ELL2: variants seen among roughly 807,000 people sequenced by gnomAD.
The protein encoded by ELL2 is RNA polymerase II elongation factor ELL2.
Under a neutral mutation model 72.8 loss-of-function variants are expected in ELL2, and 21 were observed. The observed-to-expected ratio is 0.29, with a 90% CI of 0.20 to 0.42. The LOEUF is 0.42. Ranked by LOEUF, ELL2 falls within the 10% of genes least tolerant of loss-of-function variation. The pLI is 1.00. For synonymous variants in ELL2, 266 were observed against 283.2 expected (o/e 0.94, Z 0.61); for missense variants, 568 against 772.8 (o/e 0.73, Z 3.14).
rs759845019 is a variant in ELL2, at chr5:95,950,416, T to A, written c.148-7367A>T. 1.6e-4 allele frequency among the ~76,000 whole-genome samples: 25 copies of A among 151,942 alleles called. 1 individual carries two copies. Among genetic ancestry groups the A allele is most frequent in the South Asian group, 4.1e-4 (2 of 4,822 alleles). On this transcript the variant is annotated intron_variant, in intron 1 of 11. Coordinates refer to ENST00000237853, the MANE Select transcript of ELL2 (RefSeq NM_012081.6). ...AAGGAGAGAGGAGGAAGAAAGAAAA[T>A]TGGAGTTAAAAGCAGAAAATAGCAC...
intron 4 of ELL2, among the ~76,000 whole-genome samples, chr5:95,907,395 C>T (rs983557150): frequency 2.0e-5 from 3 of 150,074 alleles, no homozygotes; most frequent in South Asian, 4.3e-4. Context: ...ACAAATCTGT[C>T]CTCTGCAGTG....
At position 95,913,938 on chromosome 5, in the gene ELL2, T is replaced by C. The variant is rs1561497708; in HGVS notation, c.318-4A>G. On this transcript the variant is annotated splice_region_variant and splice_polypyrimidine_tract_variant and intron_variant, in intron 3 of 11. Coordinates refer to ENST00000237853, the MANE Select transcript of ELL2 (RefSeq NM_012081.6). ...ATTGAGCTGGGAGGCTCCAGAGCTG[T>C]CAAGTAAGTCAGTGGCTTTGTTAGA... The C allele has an allele frequency of 1.3e-6, 2 of 1,581,366 alleles. No individual in the cohort carries two copies. The highest frequency in any genetic ancestry group is 1.2e-5 in the South Asian group (1 of 86,268).
At chr5:95,889,164 C>A (rs1184792077) in intron 10 of ELL2, 34 bp from the exon 11 acceptor site, 2 of 1,525,368 alleles carry the variant, frequency 1.3e-6, no homozygotes, top group Non-Finnish European at 1.8e-6. Flanking sequence ...CAGAAGAGAA[C>A]AACTTCTTTT....
intron 9 of ELL2, among the ~76,000 whole-genome samples, chr5:95,894,379 A>C (rs1367401336): frequency 6.6e-6 from 1 of 152,238 alleles, no homozygotes; most frequent in Non-Finnish European, 1.5e-5. Context: ...CACTATTATA[A>C]AAAAGAATTC....
rs139624660 is a variant in ELL2 at position 95,925,336 on chromosome 5, G to A, written c.196-5791C>T. On this transcript the variant is annotated intron_variant, in intron 2 of 11. Transcript: ENST00000237853. ...TTCTTTTTTATAGATTAGGGACAAT[G>A]AGGCTTAGTGATTTGTTCAAGTTAG... Among the ~76,000 whole-genome samples the A allele has an allele frequency of 1.7e-3, 262 of 152,288 alleles. 1 individual carries two copies. The highest frequency in any genetic ancestry group is 6.1e-3 in the African/African-American group (252 of 41,558).
intron 10 of ELL2, among the ~76,000 whole-genome samples, chr5:95,890,321 C>T (rs185135430): frequency 5.9e-5 from 9 of 152,290 alleles, no homozygotes; most frequent in Admixed American, 5.9e-4. Context: ...AGGCTGTTTA[C>T]TGTTGTGGGA....
intron 8 of ELL2, among the ~76,000 whole-genome samples, chr5:95,895,969 A>G (rs1748860212): frequency 6.6e-6 from 1 of 152,224 alleles, no homozygotes; most frequent in African/African-American, 2.4e-5. Context: ...TCAGTCTTCT[A>G]TTCTTTCAAC....
At chr5:95,952,059 C>T (rs1053348248) in intron 1 of ELL2, among the ~76,000 whole-genome samples, 5 of 152,014 alleles carry the variant, frequency 3.3e-5, no homozygotes, top group East Asian at 1.9e-4. Flanking sequence ...AACCTAAATG[C>T]CCATCAAAGG....
intron 1 of ELL2, among the ~76,000 whole-genome samples, chr5:95,959,603 G>C (rs910237496): frequency 1.3e-5 from 2 of 152,098 alleles, no homozygotes; most frequent in African/African-American, 2.4e-5. Flanking sequence ...TTCACTGCAG[G>C]TGCACCTATC....
chr5:95,938,091 C>T (rs1750843212), intron 2 of ELL2, among the ~76,000 whole-genome samples: 1 of 152,048 alleles, frequency 6.6e-6, no homozygotes, highest in Non-Finnish European at 1.5e-5. Flanking sequence ...ACACCCCCCA[C>T]AAAGTAAAAT....
intron 1 of ELL2, among the ~76,000 whole-genome samples, chr5:95,945,690 GA>G (rs1751130511): frequency 2.0e-5 from 3 of 152,148 alleles, no homozygotes; most frequent in African/African-American, 7.2e-5. Flanking sequence ...GGTGGCTCTT[GA>G]ATAGCAGTTT....
chr5:95,961,424 A>ACCCTGCCCGG (rs1751847186), intron 1 of ELL2, 151 bp downstream of exon 1: 2 of 982,588 alleles, frequency 2.0e-6, no homozygotes, highest in Non-Finnish European at 2.6e-6. Context: ...GGCGTCAGCC[A>ACCCTGCCCGG]CCCTGCCCGG....
Position 95,887,019 on chromosome 5 carries a change from A to G in ELL2, c.*1852T>C, listed in dbSNP as rs1002997146. 1.3e-5 allele frequency: 2 copies of G among 152,190 alleles called. No homozygotes were observed. Among genetic ancestry groups the G allele is most frequent in the East Asian group, 1.9e-4 (1 of 5,194 alleles). 9.4% of individuals were successfully genotyped at this position (152,190 alleles called of 1,614,324 possible). On this transcript the variant is annotated 3_prime_UTR_variant, in exon 12 of 12. Transcript: ENST00000237853. Reference sequence around the variant, plus strand: ...AATATGATGCCTGAATTTATCCCCAATTAAGTTTCCCTTTCCTTTTTTCAA... The same window carrying G: ...AATATGATGCCTGAATTTATCCCCAGTTAAGTTTCCCTTTCCTTTTTTCAA...
intron 3 of ELL2, among the ~76,000 whole-genome samples, chr5:95,917,809 A>G (rs1275887776): frequency 6.6e-6 from 1 of 152,216 alleles, no homozygotes; most frequent in Non-Finnish European, 1.5e-5. Flanking sequence ...ATGTAAGAGT[A>G]AAGCCATATT....
chr5:95,933,810 C>T (rs1389416265), intron 2 of ELL2, among the ~76,000 whole-genome samples: 4 of 149,800 alleles, frequency 2.7e-5, no homozygotes, highest in African/African-American at 9.9e-5. Context: ...TTTTTTTTTA[C>T]AGAATCAGAA....
At chr5:95,949,454 T>C (rs1751292824) in intron 1 of ELL2, among the ~76,000 whole-genome samples, 1 of 152,098 alleles carries the variant, frequency 6.6e-6, no homozygotes, top group Non-Finnish European at 1.5e-5. Flanking sequence ...TAACAATATT[T>C]CTAAAAAATA....
At chr5:95,950,886 A>ATG (rs1312168049) in intron 1 of ELL2, among the ~76,000 whole-genome samples, 1 of 71,544 alleles carries the variant, frequency 1.4e-5, no homozygotes, top group Non-Finnish European at 2.5e-5. Context: ...TTATATATAT[A>ATG]TATGTATGTA....
chr5:95,908,468 T>C (rs1749459425), intron 4 of ELL2, among the ~76,000 whole-genome samples: 1 of 152,250 alleles, frequency 6.6e-6, no homozygotes, highest in Admixed American at 6.5e-5. Flanking sequence ...TTGCTTTGTG[T>C]TAGGCTATAA....
chr5:95,897,685 C>T (rs371976481), intron 8 of ELL2, among the ~76,000 whole-genome samples: 6 of 152,266 alleles, frequency 3.9e-5, no homozygotes, highest in South Asian at 2.1e-4. Flanking sequence ...ATCTATTAAG[C>T]GAACGCTAGC....
Sources: gnomAD v4.1 joint callset for allele counts (sites outside exome capture counted in the v4.1 genomes callset) on GRCh38, gnomAD v4.1.1 for gene constraint, MANE v1.5 for transcripts, NCBI Gene and HGNC (gene_info 2026-07-23, HGNC 2026-07-21) for gene names.